CADPS: variants seen among roughly 807,000 people sequenced by gnomAD.
CADPS encodes the protein calcium dependent secretion activator, also known as calcium-dependent secretion activator 1.
In CADPS, 57 loss-of-function variants were observed where a neutral mutation model predicts 167.3. The observed-to-expected ratio is 0.34, with a 90% CI of 0.28 to 0.42. The LOEUF (loss-of-function observed/expected upper bound fraction) is 0.42. Among genes scored for constraint, CADPS ranks in the 20% least tolerant of loss-of-function variants. CADPS has a pLI of 1.00. For missense variants in CADPS, 1,414 were observed against 1,738.1 expected (o/e 0.81, Z 3.32); for synonymous variants, 676 against 635.3 (o/e 1.06, Z -0.96).
intron 1 of CADPS, among the ~76,000 whole-genome samples, chr3:62,766,712 CTTTCCTAAAAG>C (rs370533740): frequency 0.019 from 2,952 of 152,220 alleles, 48 homozygotes; most frequent in South Asian, 0.056. Flanking sequence ...CTTAGGAAAA[CTTTCCTAAAAG>C]ATTCCTACTC....
In CADPS at chr3:62,662,302, A is replaced by G. The variant is rs752996176; in HGVS notation, c.969+12T>C. 13 of 1,611,502 alleles carry G rather than the reference A, an allele frequency of 8.1e-6. No homozygotes were observed. The highest frequency in any genetic ancestry group is 2.2e-5 in the East Asian group (1 of 44,832). Reference sequence around the variant, plus strand: ...GCCTGGACCCCAGCAAACAACCACAATGTTTCCTTACCCTGGCTATTTGGT... The same window carrying G: ...GCCTGGACCCCAGCAAACAACCACAGTGTTTCCTTACCCTGGCTATTTGGT... On this transcript the variant is annotated intron_variant, in intron 4 of 29. Coordinates refer to ENST00000383710, the MANE Select transcript of CADPS (RefSeq NM_003716.4).
chr3:62,493,975 T>A (rs1205825142), intron 18 of CADPS, among the ~76,000 whole-genome samples: 2 of 152,224 alleles, frequency 1.3e-5, no homozygotes, highest in Non-Finnish European at 2.9e-5. Context: ...CATGTAATAA[T>A]TATAGATAAG....
chr3:62,669,755 G>A (rs4688304), intron 3 of CADPS, among the ~76,000 whole-genome samples: 41,708 of 152,030 alleles, frequency 0.27, 6,955 homozygotes, highest in East Asian at 0.7. Context: ...TCATAGGATC[G>A]ATAAGAGATT....
chr3:62,579,694 T>C (rs1302118181), intron 8 of CADPS, among the ~76,000 whole-genome samples: 1 of 152,138 alleles, frequency 6.6e-6, no homozygotes, highest in Non-Finnish European at 1.5e-5. Context: ...GGAACAGTGA[T>C]CAAGACCAGG....
chr3:62,769,645 C>G (rs536177587), intron 1 of CADPS, among the ~76,000 whole-genome samples: 29 of 152,228 alleles, frequency 1.9e-4, no homozygotes, highest in African/African-American at 6.3e-4. Flanking sequence ...TTCCAGACTC[C>G]CCAGGTGGAG....
rs1310263585 is a variant in CADPS, at chr3:62,514,306, TGG to T, written c.2582-1540_2582-1539del. Among the ~76,000 whole-genome samples the T allele has an allele frequency of 6.6e-6, 1 of 152,084 alleles. No homozygotes were observed. The highest frequency in any genetic ancestry group is 1.5e-5 in the Non-Finnish European group (1 of 67,976). ...CCTGATACATGCAGCCAGAGGATGT[TGG>T]GTTGTCTGAATTAACAATCCCAGCA... On this transcript the variant is annotated intron_variant, in intron 16 of 29. Coordinates refer to ENST00000383710, the MANE Select transcript of CADPS (RefSeq NM_003716.4). The surrounding 1 kb of genome is among the most constrained non-coding windows in gnomAD (Gnocchi z 4.2).
chr3:62,626,291 C>T, intron 6 of CADPS: 2 of 429,500 alleles, frequency 4.7e-6, no homozygotes, highest in Non-Finnish European at 8.1e-6. Flanking sequence ...CATTCAACAA[C>T]ATTACTAATT....
At chr3:62,744,117 G>C (rs531562422) in intron 3 of CADPS, among the ~76,000 whole-genome samples, 1 of 152,038 alleles carries the variant, frequency 6.6e-6, no homozygotes, top group East Asian at 1.9e-4. Context: ...CTAAAATGTA[G>C]GTACAAATGT....
chr3:62,801,335 A>G (rs1414591384), intron 1 of CADPS, among the ~76,000 whole-genome samples: 1 of 152,158 alleles, frequency 6.6e-6, no homozygotes, highest in East Asian at 1.9e-4. Context: ...TTACTCTGAA[A>G]GATTAAAAAA....
intron 4 of CADPS, among the ~76,000 whole-genome samples, chr3:62,659,878 C>T (rs568083895): frequency 3.4e-4 from 52 of 152,316 alleles, no homozygotes; most frequent in African/African-American, 1.3e-3. Flanking sequence ...CAGTAGAGGG[C>T]ACTCTATCTC....
At chr3:62,402,696 T>C (rs577681770) in intron 29 of CADPS, among the ~76,000 whole-genome samples, 1 of 152,374 alleles carries the variant, frequency 6.6e-6, no homozygotes, top group African/African-American at 2.4e-5. Flanking sequence ...TAAATATTTC[T>C]ATTAAATTAA....
At chr3:62,820,410 C>G (rs1391817272) in intron 1 of CADPS, among the ~76,000 whole-genome samples, 1 of 152,088 alleles carries the variant, frequency 6.6e-6, no homozygotes, top group African/African-American at 2.4e-5. Context: ...CATGACTCTC[C>G]CTCTCATTTT....
At chr3:62,728,973 T>C (rs2077247209) in intron 3 of CADPS, among the ~76,000 whole-genome samples, 1 of 151,842 alleles carries the variant, frequency 6.6e-6, no homozygotes, top group African/African-American at 2.4e-5. Context: ...ACTTTTCTCA[T>C]CTATAAAATG....
chr3:62,767,313 T>A (rs17067164), intron 1 of CADPS, among the ~76,000 whole-genome samples: 19,792 of 152,120 alleles, frequency 0.13, 1,383 homozygotes, highest in South Asian at 0.18. Flanking sequence ...TGCATTGACC[T>A]GAGAGTGAAG....
rs938441302 is a variant in CADPS at position 62,412,764 on chromosome 3, T to C, written c.3778-9579A>G. On this transcript the variant is annotated intron_variant, in intron 28 of 29. Transcript: ENST00000383710. The surrounding 1 kb of genome is among the most constrained non-coding windows in gnomAD (Gnocchi z 4.1). ...AAGGGGAGGCAAGAGTCCAGAAGGA[T>C]CCTTTCTAAAAGCAAATCAAGCAGG... 6.6e-6 allele frequency among the ~76,000 whole-genome samples: 1 copy of C among 152,178 alleles called. No homozygotes were observed. Among genetic ancestry groups the C allele is most frequent in the Non-Finnish European group, 1.5e-5 (1 of 68,038 alleles).
intron 3 of CADPS, among the ~76,000 whole-genome samples, chr3:62,715,692 G>C (rs2084387650): frequency 6.7e-6 from 1 of 149,066 alleles, no homozygotes; most frequent in South Asian, 2.1e-4. Context: ...CTTGCTTGTG[G>C]ACAAGAAAAT....
intron 24 of CADPS, chr3:62,467,398 A>G (rs2150414887): frequency 1.5e-6 from 1 of 653,876 alleles, no homozygotes; most frequent in Middle Eastern, 3.4e-4. Flanking sequence ...TGAGAAAATA[A>G]AAATTAAATA....
chr3:62,762,000 T>C (rs2085578692), intron 2 of CADPS, among the ~76,000 whole-genome samples: 1 of 152,188 alleles, frequency 6.6e-6, no homozygotes. Context: ...ATGGGGACCT[T>C]GGTCTCCTTT....
rs568407255 is a variant in CADPS, at chr3:62,658,633, C to T, written c.969+3681G>A. 2.6e-5 allele frequency among the ~76,000 whole-genome samples: 4 copies of T among 152,222 alleles called. No homozygotes were observed. In the South Asian group the frequency reaches 6.2e-4, roughly 24 times the overall value. Reference sequence around the variant, plus strand: ...AGAGTATCTGGCACATAGGAAAACACTAGGTAAGTGATAGTTATTACTATT... The same window carrying T: ...AGAGTATCTGGCACATAGGAAAACATTAGGTAAGTGATAGTTATTACTATT... On this transcript the variant is annotated intron_variant, in intron 4 of 29. Transcript: ENST00000383710.
Sources: allele counts gnomAD v4.1 joint callset (sites outside exome capture counted in the v4.1 genomes callset), GRCh38; gene constraint gnomAD v4.1.1; non-coding constraint Gnocchi (gnomAD v3.1); transcripts MANE v1.5; gene names NCBI Gene and HGNC (gene_info 2026-07-23, HGNC 2026-07-21).